The following GPN1 variants were observed in gnomAD, a reference collection of about 807,000 sequenced individuals.
GPN1 encodes the protein GPN-loop GTPase 1.
Under a neutral mutation model 55.9 loss-of-function variants are expected in GPN1, and 44 were observed. The ratio of observed to expected loss-of-function variants is 0.79; its 90% CI spans 0.62 to 1.01. The LOEUF (loss-of-function observed/expected upper bound fraction) is 1.01. Ranked by LOEUF, GPN1 falls within the 50% of genes least tolerant of loss-of-function variation. GPN1 has a pLI of 0.00. For synonymous variants in GPN1, 179 were observed against 162.5 expected (o/e 1.10, Z -0.77); for missense variants, 466 against 462.8 (o/e 1.01, Z -0.06).
In GPN1 at chr2:27,643,777, T is replaced by C. The variant is rs1277944376; in HGVS notation, c.931+1258T>C. Among the ~76,000 whole-genome samples, 1 of 152,244 alleles carries C rather than the reference T, an allele frequency of 6.6e-6. No individual in the cohort carries two copies. Among genetic ancestry groups the C allele is most frequent in the Non-Finnish European group, 1.5e-5 (1 of 68,040 alleles). On this transcript the variant is annotated intron_variant, in intron 12 of 13. Transcript: ENST00000610189. This position sits in a 1 kb window ranked among gnomAD's most constrained non-coding sequence, Gnocchi z 4.0. Reference sequence around the variant, plus strand: ...GTGACTAATTTTTGAATTGTGTTTTTTCAAGGAATCACATTGGGAGGCACG... The same window carrying C: ...GTGACTAATTTTTGAATTGTGTTTTCTCAAGGAATCACATTGGGAGGCACG...
intron 7 of GPN1, 86 bp from the exon 8 acceptor site, chr2:27,638,124 T>C (rs1673800159): frequency 9.3e-6 from 7 of 751,378 alleles, no homozygotes. Context: ...TCATTTCTGT[T>C]CTCTTACTTA....
intron 10 of GPN1, among the ~76,000 whole-genome samples, chr2:27,640,410 A>G (rs1052537712): frequency 6.6e-6 from 1 of 152,254 alleles, no homozygotes; most frequent in Non-Finnish European, 1.5e-5. Flanking sequence ...TTTGTGGGTC[A>G]TATAGTCTCT....
intron 12 of GPN1, 30 bp from the exon 13 acceptor site, chr2:27,647,806 G>A (rs1249033126): frequency 4.0e-6 from 5 of 1,251,852 alleles, no homozygotes; most frequent in Non-Finnish European, 5.9e-6. Context: ...TTTTGAGGAG[G>A]CATATCACTG....
intron 7 of GPN1, among the ~76,000 whole-genome samples, chr2:27,636,110 G>T (rs141323642): frequency 6.6e-6 from 1 of 152,184 alleles, no homozygotes; most frequent in Non-Finnish European, 1.5e-5. Flanking sequence ...CCGCTACCTG[G>T]GAGGCAGAGG....
At chr2:27,633,328 C>T (rs139627080) in intron 5 of GPN1, among the ~76,000 whole-genome samples, 2 of 152,250 alleles carry the variant, frequency 1.3e-5, no homozygotes, top group African/African-American at 4.8e-5. Context: ...TGTTTTGAGA[C>T]AGGGTCTTGC....
intron 1 of GPN1, 89 bp from the exon 2 acceptor site, chr2:27,629,770 A>G (rs6547738): frequency 0.54 from 409,149 of 764,302 alleles, 113,590 homozygotes; most frequent in East Asian, 0.89. Flanking sequence ...TCTAAGTGCA[A>G]TATTCTTAAG....
intron 7 of GPN1, 28 bp from the exon 8 acceptor site, chr2:27,638,182 T>C: frequency 1.5e-6 from 2 of 1,343,664 alleles, no homozygotes; most frequent in Non-Finnish European, 1.1e-6. Flanking sequence ...GTGCTTTTAC[T>C]AATAACTTCT....
upstream of GPN1, chr2:27,628,807 C>A: frequency 6.7e-7 from 1 of 1,496,846 alleles, no homozygotes; most frequent in Non-Finnish European, 8.9e-7. Flanking sequence ...TCCCAGGCTG[C>A]AGAGATCAGC....
At chr2:27,648,026 C>T (rs1674324791) in intron 13 of GPN1, 83 bp downstream of exon 13, 26 of 774,882 alleles carry the variant, frequency 3.4e-5, no homozygotes, top group South Asian at 3.1e-4. Flanking sequence ...TTGCTTTAAG[C>T]GTGTAGCCAG....
intron 7 of GPN1, among the ~76,000 whole-genome samples, chr2:27,636,879 C>T (rs1673754743): frequency 6.6e-6 from 1 of 152,112 alleles, no homozygotes; most frequent in African/African-American, 2.4e-5. Flanking sequence ...GGTGGGGTCT[C>T]GCCATGCTGC....
At chr2:27,635,782 ACTCCGG>A (rs543823919) in intron 7 of GPN1, among the ~76,000 whole-genome samples, 111 of 152,186 alleles carry the variant, frequency 7.3e-4, no homozygotes, top group Non-Finnish European at 1.2e-3. Context: ...GTGCCACTGC[ACTCCGG>A]CTTGGGGCAA....
At chr2:27,628,939 G>A (rs1401799643), upstream of GPN1, 1 of 1,522,482 alleles carries the variant, frequency 6.6e-7, no homozygotes, top group Non-Finnish European at 8.8e-7. Context: ...GGCAACCGCC[G>A]CGCCCCTCAC....
chr2:27,640,020 G>A, intron 9 of GPN1, 23 bp from the exon 10 acceptor site: 4 of 1,441,640 alleles, frequency 2.8e-6, no homozygotes, highest in Non-Finnish European at 9.8e-7. Context: ...TTCTTTAGTG[G>A]CATTTATGAT....
At chr2:27,639,147 T>A (rs1347242106) in intron 9 of GPN1, 116 bp downstream of exon 9, 2 of 786,072 alleles carry the variant, frequency 2.5e-6, no homozygotes, top group African/African-American at 1.7e-5. Context: ...AAGTAACTTT[T>A]AAAGCATTGC....
chr2:27,640,407 G>A (rs925389681), intron 10 of GPN1, among the ~76,000 whole-genome samples: 2 of 152,184 alleles, frequency 1.3e-5, no homozygotes, highest in Non-Finnish European at 2.9e-5. Context: ...GGCTTTGTGG[G>A]TCATATAGTC....
At chr2:27,642,199 TC>T in intron 11 of GPN1, 1 of 431,296 alleles carries the variant, frequency 2.3e-6, no homozygotes, top group Non-Finnish European at 4.2e-6. Context: ...CTTTTTGTGT[TC>T]CGTTTCTGAA....
At chr2:27,638,135 G>A (rs1468655288) in intron 7 of GPN1, 75 bp from the exon 8 acceptor site, 2 of 802,022 alleles carry the variant, frequency 2.5e-6, no homozygotes, top group Non-Finnish European at 4.5e-6. Flanking sequence ...CTCTTACTTA[G>A]TCCCGACATG....
upstream of GPN1, chr2:27,628,468 G>A (rs1352271355): frequency 1.9e-6 from 3 of 1,551,520 alleles, no homozygotes. Flanking sequence ...CAAGGAATGA[G>A]CGCTAGCATC....
chr2:27,646,820 C>G (rs775360179), intron 12 of GPN1, among the ~76,000 whole-genome samples: 31 of 152,074 alleles, frequency 2.0e-4, no homozygotes, highest in Admixed American at 1.2e-3. Flanking sequence ...TAGTAGAGAA[C>G]AGCAAAGCTA....
Sources: allele counts gnomAD v4.1 joint callset (sites outside exome capture counted in the v4.1 genomes callset), GRCh38; gene constraint gnomAD v4.1.1; non-coding constraint Gnocchi (gnomAD v3.1); transcripts MANE v1.5; gene names NCBI Gene and HGNC (gene_info 2026-07-23, HGNC 2026-07-21).